FER1L5: variants seen among roughly 807,000 people sequenced by gnomAD.
FER1L5 encodes the protein fer-1-like protein 5.
In FER1L5, 187 loss-of-function variants were observed where a neutral mutation model predicts 279.9. That is an observed-to-expected ratio of 0.67 (90% CI 0.59 to 0.75). The LOEUF is 0.75. Ranked by LOEUF, FER1L5 falls within the 30% of genes least tolerant of loss-of-function variation. The probability of loss-of-function intolerance (pLI) is 0.00; values close to 1 mark genes in which losing one functional copy is unlikely to be tolerated. For missense variants in FER1L5, 2,091 were observed against 2,594.4 expected, an observed-to-expected ratio of 0.81 and a Z score of 4.21; for synonymous variants, 921 against 989.7, an observed-to-expected ratio of 0.93 and a Z score of 1.30.
Position 96,686,108 on chromosome 2 carries a change from G to A in FER1L5, c.2064G>A (p.Val688=). The A allele has an allele frequency of 6.4e-7, 1 of 1,550,744 alleles. No homozygotes were observed. The highest frequency in any genetic ancestry group is 2.4e-5 in the East Asian group (1 of 40,922). The change falls in exon 22 of 53, where the codon GTG becomes GTA. Residue 688 remains valine (V), a synonymous_variant. Transcript: ENST00000624922. Reference sequence around the variant, plus strand: ...ACTGGCTGTACCGCCTCAACACCGTGCTCCCTGAGGTGGGTGCTGCACACA... The same window carrying A: ...ACTGGCTGTACCGCCTCAACACCGTACTCCCTGAGGTGGGTGCTGCACACA... ...AEDWLYRLNT[V]LPEPQMGLPD... is the part of the protein sequence containing the mutation.
chr2:96,663,127 A>C (rs922561734), intron 13 of FER1L5, among the ~76,000 whole-genome samples: 1 of 152,222 alleles, frequency 6.6e-6, no homozygotes, highest in Non-Finnish European at 1.5e-5. Flanking sequence ...GAATTTATCT[A>C]GCAAAATATA....
At position 96,694,474 on chromosome 2, in the gene FER1L5, A is replaced by G; in HGVS notation, c.3741+10A>G. ...GAGGATGGCCATTGAGGTGCTGGCGATGTGGGATGGGGACGGTGGGCAGGA... is the reference window on the plus strand; with the variant it reads ...GAGGATGGCCATTGAGGTGCTGGCGGTGTGGGATGGGGACGGTGGGCAGGA... On this transcript the variant is annotated intron_variant, in intron 34 of 52. Coordinates refer to ENST00000624922, the MANE Select transcript of FER1L5 (RefSeq NM_001293083.2). This position sits in a 1 kb window ranked among gnomAD's most constrained non-coding sequence, Gnocchi z 4.6. The G allele has an allele frequency of 2.6e-6, 4 of 1,536,328 alleles. No homozygotes were observed. Among genetic ancestry groups the G allele is most frequent in the Non-Finnish European group, 2.6e-6 (3 of 1,137,778 alleles).
Position 96,668,959 on chromosome 2 carries a change from G to C in FER1L5, c.1258G>C (p.Glu420Gln). 6.4e-7 allele frequency: 1 copy of C among 1,551,642 alleles called. No homozygotes were observed. The highest frequency in any genetic ancestry group is 8.7e-7 in the Non-Finnish European group (1 of 1,146,980). ...SLNQISSTGE[E>Q]IEGVYSGFLP... ...CAACCAGATCTCGTCCACCGGAGAA[G>C]AGATAGAAGGCAAGCAAAGCCTCGA... Residue 420 changes from glutamate (E) to glutamine (Q), a missense_variant, in exon 16 of 53, where the codon GAG becomes CAG. Transcript: ENST00000624922.
chr2:96,643,260 G>T (rs1173179598), intron 1 of FER1L5, among the ~76,000 whole-genome samples: 1 of 152,162 alleles, frequency 6.6e-6, no homozygotes, highest in African/African-American at 2.4e-5. Flanking sequence ...TATGTGTATA[G>T]CCCTTAGTAC....
Position 96,691,609 on chromosome 2 carries a change from C to T in FER1L5, c.3072C>T (p.Ser1024=). The T allele has an allele frequency of 1.3e-6, 2 of 1,520,874 alleles. No homozygotes were observed. The highest frequency in any genetic ancestry group is 1.8e-6 in the Non-Finnish European group (2 of 1,131,416). 94.2% of individuals were successfully genotyped at this position (1,520,874 alleles called of 1,614,324 possible). Residue 1024 remains serine (S), a synonymous_variant, in exon 29 of 53, where the codon TCC becomes TCT. Coordinates refer to ENST00000624922, the MANE Select transcript of FER1L5 (RefSeq NM_001293083.2). The surrounding 1 kb of genome is among the most constrained non-coding windows in gnomAD (Gnocchi z 6.0). ...GIAPIFLLEG[S]LAMDLKYHAG... Reference sequence around the variant, plus strand: ...CGCCCATATTCCTCCTGGAGGGGTCCTTGGTAAAGCCTCACAGGCTGGGTG... The same window carrying T: ...CGCCCATATTCCTCCTGGAGGGGTCTTTGGTAAAGCCTCACAGGCTGGGTG...
At position 96,691,288 on chromosome 2, in the gene FER1L5, C is replaced by T. The variant is rs375952907; in HGVS notation, c.2842C>T (p.Arg948Cys). The T allele has an allele frequency of 2.6e-5, 40 of 1,550,438 alleles. No homozygotes were observed. The highest frequency in any genetic ancestry group is 3.4e-5 in the Non-Finnish European group (39 of 1,146,866). Reference sequence around the variant, plus strand: ...CTCGTGCCGCCGCCGGCGCTGGGCGCGTGTGCGCTTCAGGAACCATGGGGA... The same window carrying T: ...CTCGTGCCGCCGCCGGCGCTGGGCGTGTGTGCGCTTCAGGAACCATGGGGA... ...YHSCRRRRWA[R>C]VRFRNHGELS... The change falls in exon 28 of 53, where the codon CGT (arginine) becomes TGT (cysteine). Residue 948 changes from arginine (R) to cysteine (C), a missense_variant. Arg to Cys is a radical substitution (Grantham distance 180, BLOSUM62 -3). Coordinates refer to ENST00000624922, the MANE Select transcript of FER1L5 (RefSeq NM_001293083.2). This position sits in a 1 kb window ranked among gnomAD's most constrained non-coding sequence, Gnocchi z 6.0.
chr2:96,648,063 G>T (rs1454409055), intron 4 of FER1L5, among the ~76,000 whole-genome samples, 177 bp downstream of exon 4: 1 of 152,194 alleles, frequency 6.6e-6, no homozygotes, highest in East Asian at 1.9e-4. Flanking sequence ...CTATTTAGAT[G>T]AATTGACCGC....
chr2:96,680,830 C>T (rs189598780), intron 19 of FER1L5, among the ~76,000 whole-genome samples: 117 of 152,304 alleles, frequency 7.7e-4, no homozygotes, highest in African/African-American at 2.4e-3. Flanking sequence ...CCACCCCACC[C>T]CACCAAGGCC....
intron 4 of FER1L5, among the ~76,000 whole-genome samples, chr2:96,648,444 A>G (rs1329651542): frequency 6.6e-6 from 1 of 152,204 alleles, no homozygotes; most frequent in Non-Finnish European, 1.5e-5. Context: ...GAAAGAAGGG[A>G]AGGCTGCAGA....
chr2:96,667,755 A>C (rs13014679), intron 14 of FER1L5, among the ~76,000 whole-genome samples: 4,249 of 152,344 alleles, frequency 0.028, 78 homozygotes, highest in Non-Finnish European at 0.043. Flanking sequence ...GGTTTGGTGA[A>C]TGTGCATTCA....
At chr2:96,647,960 C>T (rs1039467898) in intron 4 of FER1L5, 74 bp downstream of exon 4, 44 of 1,201,808 alleles carry the variant, frequency 3.7e-5, no homozygotes, top group Non-Finnish European at 5.2e-5. Context: ...GCCCACACCA[C>T]AAGAGTGCTT....
In FER1L5 at chr2:96,698,846, C is replaced by G. The variant is rs762865251; in HGVS notation, c.4518+14C>G. The G allele has an allele frequency of 1.2e-5, 19 of 1,556,770 alleles. No homozygotes were observed. Among genetic ancestry groups the G allele is most frequent in the Non-Finnish European group, 1.4e-5 (16 of 1,150,220 alleles). On this transcript the variant is annotated intron_variant, in intron 41 of 52. Transcript: ENST00000624922. This position sits in a 1 kb window ranked among gnomAD's most constrained non-coding sequence, Gnocchi z 5.5. ...TACAATGGCCTGGTAAAGAACAGTA[C>G]CTGCCCCACACAGGTGCCCCGCACG...
chr2:96,650,131 C>G, intron 5 of FER1L5, 49 bp from the exon 6 acceptor site: 2 of 1,426,538 alleles, frequency 1.4e-6, no homozygotes, highest in East Asian at 2.5e-5. Flanking sequence ...ATACCTCAAA[C>G]CTCCTGGGCC....
chr2:96,701,902 T>C lies in FER1L5; in HGVS notation c.5071-53T>C. 1.9e-6 allele frequency: 3 copies of C among 1,578,390 alleles called. No individual in the cohort carries two copies. In the South Asian group the frequency reaches 3.4e-5, roughly 18 times the overall value. On this transcript the variant is annotated intron_variant, in intron 45 of 52. Coordinates refer to ENST00000624922, the MANE Select transcript of FER1L5 (RefSeq NM_001293083.2). ...TGGGACAGGGAACCCCAGGCCAGCC[T>C]GCTGAGAACAGAGGCTAGCAACCCC...
Position 96,698,636 on chromosome 2 carries a change from G to A in FER1L5, c.4357-35G>A. Reference sequence around the variant, plus strand: ...GGGCTTTACAGAGCTGGCCAGCACTGCCAGGCTGGGCCCCCAACACCCTCC... The same window carrying A: ...GGGCTTTACAGAGCTGGCCAGCACTACCAGGCTGGGCCCCCAACACCCTCC... On this transcript the variant is annotated intron_variant, in intron 40 of 52. Coordinates refer to ENST00000624922, the MANE Select transcript of FER1L5 (RefSeq NM_001293083.2). This position sits in a 1 kb window ranked among gnomAD's most constrained non-coding sequence, Gnocchi z 5.5. 1 of 1,549,558 alleles carries A rather than the reference G, an allele frequency of 6.5e-7. No individual in the cohort carries two copies. Among genetic ancestry groups the A allele is most frequent in the East Asian group, 2.4e-5 (1 of 41,652 alleles).
chr2:96,646,342 C>T (rs2075128528), intron 1 of FER1L5, 59 bp from the exon 2 acceptor site: 1 of 1,539,826 alleles, frequency 6.5e-7, no homozygotes, highest in Non-Finnish European at 8.8e-7. Flanking sequence ...TTACCCCACT[C>T]CAACCCAGAC....
Position 96,661,403 on chromosome 2 carries a change from T to C in FER1L5, c.857T>C (p.Val286Ala). 6.4e-7 allele frequency: 1 copy of C among 1,551,598 alleles called. No homozygotes were observed. Among genetic ancestry groups the C allele is most frequent in the Non-Finnish European group, 8.7e-7 (1 of 1,146,960 alleles). ...AGTGGTGTGACAGGCTACCTGAAAG[T>C]CACCATCTATGCCCTCGGTGTGGGA... ...PGSGVTGYLK[V>A]TIYALGVGDQ... The change falls in exon 11 of 53, where the codon GTC becomes GCC. Residue 286 changes from valine (V) to alanine (A), a missense_variant. By Grantham distance (64) the Val-to-Ala change is moderately conservative. Coordinates refer to ENST00000624922, the MANE Select transcript of FER1L5 (RefSeq NM_001293083.2).
At chr2:96,684,605 A>G (rs2076852180) in intron 20 of FER1L5, among the ~76,000 whole-genome samples, 154 bp downstream of exon 20, 2 of 152,236 alleles carry the variant, frequency 1.3e-5, no homozygotes, top group Admixed American at 1.3e-4. Flanking sequence ...GAAGCAGGGT[A>G]GGCACTGAAG....
intron 12 of FER1L5, 144 bp from the exon 13 acceptor site, chr2:96,662,071 G>A: frequency 1.2e-6 from 1 of 849,920 alleles, no homozygotes; most frequent in Non-Finnish European, 1.9e-6. Flanking sequence ...AGAAGAAGGG[G>A]CATGGTGGGA....
Sources: allele counts gnomAD v4.1 joint callset (sites outside exome capture counted in the v4.1 genomes callset), GRCh38; gene constraint gnomAD v4.1.1; non-coding constraint Gnocchi (gnomAD v3.1); transcripts MANE v1.5; gene names NCBI Gene and HGNC (gene_info 2026-07-23, HGNC 2026-07-21).